Variants in OGDH observed in about 807,000 individuals in gnomAD.
OGDH encodes oxoglutarate dehydrogenase, also known as 2-oxoglutarate dehydrogenase complex component E1.
A neutral mutation model predicts 116.6 loss-of-function variants in OGDH; 38 were observed. The observed-to-expected ratio is 0.33, with a 90% CI of 0.25 to 0.43. OGDH has a LOEUF of 0.43. Among genes scored for constraint, OGDH ranks in the 20% least tolerant of loss-of-function variants. The probability of loss-of-function intolerance (pLI) is 1.00; values close to 1 mark genes in which losing one functional copy is unlikely to be tolerated. For missense variants in OGDH, 825 were observed against 1,357.2 expected, an observed-to-expected ratio of 0.61 and a Z score of 6.16; for synonymous variants, 488 against 533.3, an observed-to-expected ratio of 0.92 and a Z score of 1.17.
intron 2 of OGDH, among the ~76,000 whole-genome samples, chr7:44,636,150 C>T (rs965351691): frequency 6.6e-6 from 1 of 152,256 alleles, no homozygotes; most frequent in African/African-American, 2.4e-5. Flanking sequence ...GACCTAGGAC[C>T]TGGGGACCCA....
chr7:44,701,600 G>C lies in OGDH; in HGVS notation c.2617G>C (p.Asp873His). The change falls in exon 20 of 23, where the codon GAT (aspartate) becomes CAT (histidine). Residue 873 changes from aspartate (D) to histidine (H), a missense_variant. This residue lies in a region of OGDH where 212 missense variants were observed against 284.3 expected (regional missense o/e 0.75). Coordinates refer to ENST00000222673, the MANE Select transcript of OGDH (RefSeq NM_002541.4). ...CCACCCCGAGGCCAGATCCAGCTTT[G>C]ATGAGATGCTTCCAGGTGGGTGTGA... ...LRHPEARSSF[D>H]EMLPGTHFQR... is the part of the protein sequence containing the mutation. The C allele has an allele frequency of 6.2e-7, 1 of 1,614,184 alleles. No homozygotes were observed. Among genetic ancestry groups the C allele is most frequent in the South Asian group, 1.1e-5 (1 of 91,088 alleles).
chr7:44,643,960 A>G (rs1024251474), intron 2 of OGDH, among the ~76,000 whole-genome samples: 2 of 152,208 alleles, frequency 1.3e-5, no homozygotes, highest in African/African-American at 4.8e-5. Context: ...TAATCCCAAC[A>G]CTTTGGGAGG....
chr7:44,658,218 T>A (rs1299274298), intron 4 of OGDH, among the ~76,000 whole-genome samples: 1 of 152,208 alleles, frequency 6.6e-6, no homozygotes, highest in African/African-American at 2.4e-5. Flanking sequence ...TACCATGTTG[T>A]CTTCCAATCC....
chr7:44,695,388 G>T (rs549168194), intron 12 of OGDH, among the ~76,000 whole-genome samples: 1 of 152,116 alleles, frequency 6.6e-6, no homozygotes, highest in Non-Finnish European at 1.5e-5. Context: ...GAGCCACTGC[G>T]CCTGGCCTGG....
At chr7:44,609,422 A>G (rs1784480344) in intron 1 of OGDH, among the ~76,000 whole-genome samples, 1 of 149,668 alleles carries the variant, frequency 6.7e-6, no homozygotes, top group Admixed American at 6.7e-5. Context: ...AGGTGGGAGG[A>G]TCGCTTGAGC....
intron 9 of OGDH, among the ~76,000 whole-genome samples, chr7:44,680,802 A>C (rs898686165): frequency 1.3e-5 from 2 of 152,214 alleles, no homozygotes; most frequent in Non-Finnish European, 2.9e-5. Context: ...TTGGTCAGGA[A>C]GCAAGGAGGT....
At chr7:44,666,594 A>G (rs904696258) in intron 4 of OGDH, 142 bp from the exon 5 acceptor site, 3 of 407,306 alleles carry the variant, frequency 7.4e-6, no homozygotes, top group Non-Finnish European at 1.3e-5. Context: ...TATTTCACAT[A>G]TATCAGGGGC....
intron 2 of OGDH, among the ~76,000 whole-genome samples, chr7:44,627,606 A>G (rs907836340): frequency 1.4e-4 from 22 of 152,230 alleles, no homozygotes. Context: ...ATATAGCAGA[A>G]AAGGAACAAA....
chr7:44,647,151 A>T (rs930292207), intron 3 of OGDH, among the ~76,000 whole-genome samples: 1 of 152,254 alleles, frequency 6.6e-6, no homozygotes, highest in Non-Finnish European at 1.5e-5. Flanking sequence ...ATTGCCCAGC[A>T]TATCTCATTT....
At chr7:44,633,078 C>G (rs954854127) in intron 2 of OGDH, among the ~76,000 whole-genome samples, 1 of 150,706 alleles carries the variant, frequency 6.6e-6, no homozygotes, top group Non-Finnish European at 1.5e-5. Context: ...ATGGTGAAAC[C>G]CTGTCTGTAC....
intron 4 of OGDH, among the ~76,000 whole-genome samples, chr7:44,664,774 A>G (rs1787107174): frequency 6.6e-6 from 1 of 152,200 alleles, no homozygotes; most frequent in South Asian, 2.1e-4. Flanking sequence ...AAGCACTCAT[A>G]TATAGATCTA....
intron 2 of OGDH, among the ~76,000 whole-genome samples, chr7:44,631,321 C>T (rs1313056751): frequency 1.3e-5 from 2 of 152,126 alleles, no homozygotes; most frequent in Admixed American, 6.5e-5. Context: ...TCAGGAGGTA[C>T]ATGTGTGGGT....
In OGDH at chr7:44,698,217, C is replaced by T; in HGVS notation, c.2384C>T (p.Pro795Leu). 6.2e-7 allele frequency: 1 copy of T among 1,614,188 alleles called. No homozygotes were observed. The highest frequency in any genetic ancestry group is 8.5e-7 in the Non-Finnish European group (1 of 1,180,042). Residue 795 changes from proline (P) to leucine (L), a missense_variant, in exon 18 of 23, where the codon CCA becomes CTA. This residue lies in a region of OGDH where 73 missense variants were observed against 182.3 expected (regional missense o/e 0.40). Transcript: ENST00000222673. ...GMGPEHSSAR[P>L]ERFLQMCNDD... ...GGTCCAGAACATTCCTCCGCCCGCC[C>T]AGAGCGGTTCTTGCAGATGTGCAAC...
chr7:44,670,835 C>G (rs1787405815), intron 5 of OGDH, among the ~76,000 whole-genome samples: 1 of 151,500 alleles, frequency 6.6e-6, no homozygotes, highest in South Asian at 2.1e-4. Context: ...ACAGTGAAAC[C>G]CCGTCTCTAC....
At chr7:44,652,634 C>G (rs2115876433) in intron 4 of OGDH, among the ~76,000 whole-genome samples, 2 of 152,240 alleles carry the variant, frequency 1.3e-5, no homozygotes, top group South Asian at 4.1e-4. Context: ...CTCCTGGGCT[C>G]AAGCAACCCT....
intron 10 of OGDH, among the ~76,000 whole-genome samples, chr7:44,687,243 G>A (rs1338623136): frequency 2.7e-5 from 4 of 149,458 alleles, no homozygotes; most frequent in Non-Finnish European, 4.5e-5. Flanking sequence ...GACTACAGGC[G>A]CTTGCCACCA....
chr7:44,624,296 T>G (rs1681088599), intron 1 of OGDH, 21 bp from the exon 2 acceptor site: 3 of 1,139,706 alleles, frequency 2.6e-6, no homozygotes, highest in Non-Finnish European at 3.5e-6. Flanking sequence ...TTCTTGTTTT[T>G]TTTTTTTTTT....
rs747230786 is a variant in OGDH at position 44,698,177 on chromosome 7, C to T, written c.2359-15C>T. The T allele has an allele frequency of 4.3e-6, 7 of 1,614,048 alleles. No homozygotes were observed. Among genetic ancestry groups the T allele is most frequent in the Middle Eastern group, 1.7e-4 (1 of 6,058 alleles). On this transcript the variant is annotated splice_polypyrimidine_tract_variant and intron_variant, in intron 17 of 22. Coordinates refer to ENST00000222673, the MANE Select transcript of OGDH (RefSeq NM_002541.4). Reference sequence around the variant, plus strand: ...GCAAGAGCTCTTAAACTGTAACTTGCGTGTGTGGTTCCAGGGTCCAGAACA... The same window carrying T: ...GCAAGAGCTCTTAAACTGTAACTTGTGTGTGTGGTTCCAGGGTCCAGAACA...
chr7:44,616,693 G>A (rs1038532792), intron 1 of OGDH, among the ~76,000 whole-genome samples: 4 of 140,394 alleles, frequency 2.8e-5, no homozygotes, highest in African/African-American at 1.1e-4. Context: ...ATATGTATAT[G>A]TATATATATA....
Sources: gnomAD v4.1 joint callset for allele counts (sites outside exome capture counted in the v4.1 genomes callset) on GRCh38, gnomAD v4.1.1 for gene constraint, gnomAD v4.1.1 regional missense constraint, MANE v1.5 for transcripts, NCBI Gene and HGNC (gene_info 2026-07-23, HGNC 2026-07-21) for gene names.